The following PRKN variants were observed in gnomAD, a reference collection of about 807,000 sequenced individuals.
PRKN encodes the protein parkin RBR E3 ubiquitin protein ligase, also known as E3 ubiquitin-protein ligase parkin.
In PRKN, 56 loss-of-function variants were observed where a neutral mutation model predicts 59.5. The observed-to-expected ratio is 0.94, with a 90% CI of 0.76 to 1.18. The LOEUF is 1.18. PRKN is among the 50% of genes most tolerant of loss of function. The pLI is 0.00. For missense variants in PRKN, 657 were observed against 596.4 expected (o/e 1.10, Z -1.06); for synonymous variants, 250 against 222.1 (o/e 1.13, Z -1.12).
At chr6:161,971,907 T>C (rs1328810966) in intron 6 of PRKN, among the ~76,000 whole-genome samples, 4 of 152,190 alleles carry the variant, frequency 2.6e-5, no homozygotes, top group Non-Finnish European at 4.4e-5. Flanking sequence ...GGTATATGAC[T>C]ATTTTTGCTT....
chr6:161,659,153 A>T (rs6905965), intron 7 of PRKN, among the ~76,000 whole-genome samples: 41,614 of 152,092 alleles, frequency 0.27, 6,365 homozygotes, highest in African/African-American at 0.42. Flanking sequence ...TAGGTATAGA[A>T]GATGTGGTTT....
intron 7 of PRKN, among the ~76,000 whole-genome samples, chr6:161,729,583 T>C (rs901962124): frequency 1.3e-5 from 2 of 152,208 alleles, no homozygotes; most frequent in African/African-American, 4.8e-5. Context: ...CTTAAGCCAG[T>C]TAAAAAACCC....
intron 1 of PRKN, among the ~76,000 whole-genome samples, chr6:162,558,965 T>C (rs775942397): frequency 4.0e-4 from 61 of 151,920 alleles, no homozygotes; most frequent in Non-Finnish European, 7.6e-4. Context: ...AAAAAGGCAA[T>C]TGGTGAAACC....
chr6:161,531,311 G>A (rs1779201764), intron 9 of PRKN, among the ~76,000 whole-genome samples: 2 of 151,446 alleles, frequency 1.3e-5, no homozygotes, highest in African/African-American at 2.4e-5. Context: ...AACCCGGGAG[G>A]CAGAGCTTGC....
At chr6:161,819,796 T>C (rs1351997226) in intron 6 of PRKN, among the ~76,000 whole-genome samples, 1 of 152,180 alleles carries the variant, frequency 6.6e-6, no homozygotes, top group Non-Finnish European at 1.5e-5. Flanking sequence ...ATTTATTTTA[T>C]CCACCACTGA....
intron 1 of PRKN, among the ~76,000 whole-genome samples, chr6:162,469,353 G>GA (rs1259940061): frequency 1.1e-5 from 1 of 91,150 alleles, no homozygotes; most frequent in Non-Finnish European, 2.5e-5. Flanking sequence ...GGGTTGCAGG[G>GA]GGGGGTGGGT....
intron 1 of PRKN, among the ~76,000 whole-genome samples, chr6:162,653,340 G>A (rs1176634336): frequency 2.0e-5 from 3 of 152,006 alleles, no homozygotes; most frequent in Non-Finnish European, 4.4e-5. Flanking sequence ...GTGTTTGTGT[G>A]CGTGTCTGTG....
chr6:162,496,425 CTCTT>C (rs992454589), intron 1 of PRKN, among the ~76,000 whole-genome samples: 2 of 152,138 alleles, frequency 1.3e-5, no homozygotes, highest in Admixed American at 1.3e-4. Flanking sequence ...ATACAGCTAA[CTCTT>C]TATCACTGTT....
At chr6:162,582,677 GT>G (rs1254548263) in intron 1 of PRKN, among the ~76,000 whole-genome samples, 1 of 152,086 alleles carries the variant, frequency 6.6e-6, no homozygotes, top group East Asian at 1.9e-4. Context: ...TGCTTAAATG[GT>G]TTGTTTTTAT....
At chr6:162,477,454 A>G (rs1792074976) in intron 1 of PRKN, among the ~76,000 whole-genome samples, 1 of 152,166 alleles carries the variant, frequency 6.6e-6, no homozygotes, top group Admixed American at 6.5e-5. Context: ...TACTCCTCTT[A>G]TATCAACAGA....
At chr6:162,335,608 T>A (rs1279091867) in intron 2 of PRKN, among the ~76,000 whole-genome samples, 1 of 152,322 alleles carries the variant, frequency 6.6e-6, no homozygotes, top group East Asian at 1.9e-4. Context: ...GCCAACAACA[T>A]ACTCAGAGTG....
chr6:161,732,383 C>A (rs1787752760), intron 7 of PRKN, among the ~76,000 whole-genome samples: 1 of 152,080 alleles, frequency 6.6e-6, no homozygotes, highest in African/African-American at 2.4e-5. Context: ...TCTCCCTCAT[C>A]CCACCCTCCA....
At chr6:162,217,000 A>T (rs1025132779) in intron 3 of PRKN, among the ~76,000 whole-genome samples, 5 of 152,190 alleles carry the variant, frequency 3.3e-5, no homozygotes, top group African/African-American at 1.2e-4. Context: ...GTTCTACTTT[A>T]ATACTTAATT....
intron 4 of PRKN, among the ~76,000 whole-genome samples, chr6:162,194,216 T>C (rs962956392): frequency 1.3e-5 from 2 of 152,218 alleles, no homozygotes; most frequent in Non-Finnish European, 2.9e-5. Flanking sequence ...TTCATAACTT[T>C]CAACAAATTG....
intron 6 of PRKN, among the ~76,000 whole-genome samples, chr6:161,874,993 T>TATA (rs1554238087): frequency 1.5e-5 from 1 of 65,888 alleles, no homozygotes; most frequent in Non-Finnish European, 2.6e-5. Context: ...ATATACTTTA[T>TATA]ATATAATATA....
intron 6 of PRKN, among the ~76,000 whole-genome samples, chr6:161,789,442 C>T (rs879037841): frequency 1.3e-5 from 2 of 152,182 alleles, no homozygotes; most frequent in Admixed American, 1.3e-4. Context: ...TAGGATTCTT[C>T]TAGTTCCTGT....
At chr6:162,181,547 A>G (rs995549649) in intron 4 of PRKN, among the ~76,000 whole-genome samples, 1 of 152,194 alleles carries the variant, frequency 6.6e-6, no homozygotes, top group Non-Finnish European at 1.5e-5. Context: ...ATAAATGCAT[A>G]AAGAGGGTCA....
At chr6:162,677,900 A>T (rs1779615392) in intron 1 of PRKN, among the ~76,000 whole-genome samples, 1 of 152,188 alleles carries the variant, frequency 6.6e-6, no homozygotes, top group Non-Finnish European at 1.5e-5. Flanking sequence ...CCATTACAAC[A>T]ATCGAGATAA....
chr6:162,597,046 T>C (rs1781521091), intron 1 of PRKN, among the ~76,000 whole-genome samples: 1 of 152,238 alleles, frequency 6.6e-6, no homozygotes, highest in African/African-American at 2.4e-5. Flanking sequence ...TTAGGAAATG[T>C]TAGTGAACTA....
Sources: gnomAD v4.1 joint callset for allele counts (sites outside exome capture counted in the v4.1 genomes callset) on GRCh38, gnomAD v4.1.1 for gene constraint, MANE v1.5 for transcripts, NCBI Gene and HGNC (gene_info 2026-07-23, HGNC 2026-07-21) for gene names.